The following FTO variants were observed in gnomAD, a reference collection of about 807,000 sequenced individuals.
The protein encoded by FTO is FTO alpha-ketoglutarate dependent dioxygenase.
Under a neutral mutation model 63.9 loss-of-function variants are expected in FTO, and 47 were observed. The ratio of observed to expected loss-of-function variants is 0.74; its 90% CI spans 0.58 to 0.94. The LOEUF (loss-of-function observed/expected upper bound fraction) is 0.94, where lower values mean the gene tolerates loss of function less well. FTO is among the 40% of genes least tolerant of loss of function. The pLI is 0.00. For missense variants in FTO, 562 were observed against 618.1 expected (o/e 0.91, Z 0.96); for synonymous variants, 207 against 224.4 (o/e 0.92, Z 0.69).
intron 8 of FTO, among the ~76,000 whole-genome samples, chr16:53,962,608 A>C (rs955549813): frequency 6.6e-6 from 1 of 152,228 alleles, no homozygotes; most frequent in Non-Finnish European, 1.5e-5. Context: ...TGCGTCCTGC[A>C]TAAGTGCTTT....
At chr16:53,840,429 C>T (rs1194116919) in intron 3 of FTO, among the ~76,000 whole-genome samples, 1 of 152,186 alleles carries the variant, frequency 6.6e-6, no homozygotes, top group African/African-American at 2.4e-5. Flanking sequence ...TTATTTTATG[C>T]AGCCTCAACT....
At chr16:53,759,130 A>C (rs2073810774) in intron 1 of FTO, among the ~76,000 whole-genome samples, 1 of 152,188 alleles carries the variant, frequency 6.6e-6, no homozygotes, top group South Asian at 2.1e-4. Flanking sequence ...TGTGTGTTTG[A>C]AATTTTCCAT....
intron 3 of FTO, among the ~76,000 whole-genome samples, chr16:53,836,308 G>A (rs919062742): frequency 5.9e-5 from 9 of 152,100 alleles, no homozygotes; most frequent in Admixed American, 2.0e-4. Flanking sequence ...ACATATCAGC[G>A]TCCTAGAAGT....
At chr16:53,746,728 G>A (rs1450042861) in intron 1 of FTO, among the ~76,000 whole-genome samples, 1 of 152,010 alleles carries the variant, frequency 6.6e-6, no homozygotes, top group Non-Finnish European at 1.5e-5. Context: ...TGGTGATTTT[G>A]AAATATATAA....
rs2086896576 is a variant in FTO at position 54,111,841 on chromosome 16, T to C, written c.1444T>C (p.Ser482Pro). 6.2e-7 allele frequency: 1 copy of C among 1,614,158 alleles called. No homozygotes were observed. Among genetic ancestry groups the C allele is most frequent in the Admixed American group, 1.7e-5 (1 of 60,022 alleles). The change falls in exon 9 of 9, where the codon TCG (serine) becomes CCG (proline). Residue 482 changes from serine (S) to proline (P), a missense_variant. Transcript: ENST00000471389. ...CRPYWEKDDA[S>P]MPLPFDLTDI... Reference sequence around the variant, plus strand: ...GCCATACTGGGAAAAGGATGATGCTTCGATGCCTCTGCCGTTTGACCTCAC... The same window carrying C: ...GCCATACTGGGAAAAGGATGATGCTCCGATGCCTCTGCCGTTTGACCTCAC...
chr16:54,005,354 A>G (rs2084177343), intron 8 of FTO, among the ~76,000 whole-genome samples: 1 of 147,542 alleles, frequency 6.8e-6, no homozygotes, highest in African/African-American at 2.4e-5. Flanking sequence ...AATTTTTTAA[A>G]ATATGAAATA....
intron 8 of FTO, among the ~76,000 whole-genome samples, chr16:53,986,295 A>G (rs2083666103): frequency 6.6e-6 from 1 of 152,186 alleles, no homozygotes; most frequent in African/African-American, 2.4e-5. Flanking sequence ...TACCCAGCAA[A>G]TCTGGGTTAA....
At chr16:54,078,347 A>G (rs1039522493) in intron 8 of FTO, among the ~76,000 whole-genome samples, 1 of 147,550 alleles carries the variant, frequency 6.8e-6, no homozygotes, top group African/African-American at 2.5e-5. Context: ...AATAGTATAT[A>G]ATTATATATA....
intron 8 of FTO, among the ~76,000 whole-genome samples, chr16:54,023,176 T>TTTAC (rs1218641516): frequency 6.6e-6 from 1 of 152,236 alleles, no homozygotes; most frequent in Non-Finnish European, 1.5e-5. Flanking sequence ...ACGCATCTTC[T>TTTAC]GTAAATAGTC....
intron 8 of FTO, among the ~76,000 whole-genome samples, chr16:53,970,031 C>G (rs79678151): frequency 6.6e-6 from 1 of 152,064 alleles, no homozygotes; most frequent in Non-Finnish European, 1.5e-5. Context: ...GCATGTCCAA[C>G]GGAGGAGGCG....
intron 2 of FTO, among the ~76,000 whole-genome samples, chr16:53,822,552 G>A (rs989410635): frequency 1.3e-5 from 2 of 152,098 alleles, no homozygotes; most frequent in African/African-American, 2.4e-5. Flanking sequence ...ATGTGCAGTT[G>A]GAAAGAGATG....
chr16:54,081,721 G>A (rs11641263), intron 8 of FTO, among the ~76,000 whole-genome samples: 569 of 152,276 alleles, frequency 3.7e-3, no homozygotes, highest in Non-Finnish European at 7.0e-3. Context: ...CAGCCTCACC[G>A]AACAGATGGG....
intron 4 of FTO, among the ~76,000 whole-genome samples, chr16:53,862,341 T>C (rs545673995): frequency 6.6e-6 from 1 of 152,222 alleles, no homozygotes; most frequent in East Asian, 1.9e-4. Context: ...ATGTCTGAGG[T>C]GATCTACATT....
chr16:53,736,436 C>T (rs1028022233), intron 1 of FTO, among the ~76,000 whole-genome samples: 2 of 151,494 alleles, frequency 1.3e-5, no homozygotes, highest in Admixed American at 6.6e-5. Context: ...CTGGAAATCT[C>T]GGGGTCATCC....
chr16:53,707,018 C>A (rs1490590384), intron 1 of FTO, among the ~76,000 whole-genome samples: 1 of 152,096 alleles, frequency 6.6e-6, no homozygotes, highest in Admixed American at 6.5e-5. Context: ...CTTTGTTTAA[C>A]CTTATGAAGA....
intron 8 of FTO, among the ~76,000 whole-genome samples, chr16:54,038,965 G>C (rs2085008665): frequency 6.6e-6 from 1 of 152,174 alleles, no homozygotes; most frequent in South Asian, 2.1e-4. Flanking sequence ...AAATACATCT[G>C]TTCACATGTA....
intron 1 of FTO, among the ~76,000 whole-genome samples, chr16:53,772,975 TC>T (rs2077374470): frequency 6.6e-6 from 1 of 152,126 alleles, no homozygotes; most frequent in Non-Finnish European, 1.5e-5. Context: ...TCTCCTTTTC[TC>T]CCTTGGAATG....
At chr16:53,857,458 CTCTCTCTCTT>C (rs1567367459) in intron 4 of FTO, among the ~76,000 whole-genome samples, 1 of 151,272 alleles carries the variant, frequency 6.6e-6, no homozygotes, top group African/African-American at 2.4e-5. Context: ...CTCTCTCTCT[CTCTCTCTCTT>C]TCTATATATA....
chr16:54,018,519 T>C (rs2084515698), intron 8 of FTO, among the ~76,000 whole-genome samples: 1 of 152,116 alleles, frequency 6.6e-6, no homozygotes, highest in Non-Finnish European at 1.5e-5. Flanking sequence ...GTGATATGGA[T>C]TGGCTGTGTC....
Sources: allele counts gnomAD v4.1 joint callset (sites outside exome capture counted in the v4.1 genomes callset), GRCh38; gene constraint gnomAD v4.1.1; transcripts MANE v1.5; gene names NCBI Gene and HGNC (gene_info 2026-07-23, HGNC 2026-07-21).